CFI: variants seen among roughly 807,000 people sequenced by gnomAD.
The protein encoded by CFI is C3B/C4B inactivator.
Under a neutral mutation model 78.8 loss-of-function variants are expected in CFI, and 66 were observed. That is an observed-to-expected ratio of 0.84 (90% CI 0.69 to 1.03). The LOEUF is 1.03. CFI is among the 50% of genes least tolerant of loss of function. The probability of loss-of-function intolerance (pLI) is 0.00; values close to 1 mark genes in which losing one functional copy is unlikely to be tolerated. For synonymous variants in CFI, 250 were observed against 232.6 expected (o/e 1.07, Z -0.68); for missense variants, 706 against 704.5 (o/e 1.00, Z -0.02).
In CFI at chr4:109,762,386, T is replaced by C. The variant is rs566591266; in HGVS notation, c.483-694A>G. 2.0e-5 allele frequency: 3 copies of C among 152,258 alleles called. No individual in the cohort carries two copies. The South Asian group carries it at 6.2e-4, about 32-fold the overall frequency. The allele number at this position is 152,258 out of a possible 1,614,324, so 9.4% of individuals were successfully genotyped here. On this transcript the variant is annotated intron_variant, in intron 3 of 12. Transcript: ENST00000394634. The stretch of plus-strand genomic sequence containing the variant: ...AGCCTTGACAGTATTAAGGTGATAT[T>C]TTGGCATCTGTGTGCCATTGCTTGG...
At chr4:109,749,093 C>T (rs1405525829) in intron 10 of CFI, 125 bp downstream of exon 10, 8 of 905,852 alleles carry the variant, frequency 8.8e-6, no homozygotes, top group East Asian at 4.8e-5. Flanking sequence ...CCAGAGGATA[C>T]TTTGCAATTA....
intron 8 of CFI, among the ~76,000 whole-genome samples, chr4:109,750,078 C>A (rs1024150948): frequency 6.6e-6 from 1 of 151,976 alleles, no homozygotes; most frequent in Non-Finnish European, 1.5e-5. Flanking sequence ...CTCACTGCAA[C>A]CTCCGCCTCC....
chr4:109,758,899 C>G (rs1726660685), intron 6 of CFI, among the ~76,000 whole-genome samples: 1 of 152,160 alleles, frequency 6.6e-6, no homozygotes, highest in Non-Finnish European at 1.5e-5. Flanking sequence ...TCGAGACGAG[C>G]CTGGCCAATG....
intron 3 of CFI, 177 bp downstream of exon 3, chr4:109,764,360 G>C: frequency 1.4e-6 from 1 of 701,318 alleles, no homozygotes; most frequent in Non-Finnish European, 2.5e-6. Context: ...TGTCAGCAGG[G>C]TTCCAAGTGT....
In CFI at chr4:109,760,271, T is replaced by C; in HGVS notation, c.882A>G (p.Ala294=). The stretch of plus-strand genomic sequence containing the variant: ...AGTCACCCCAAGTCTTTCAATTACC[T>C]GCACAGCCAACTTCATCTTCCCCTG... ...CITGEDEVGC[A]GFASVTQEET... The change falls in exon 6 of 13, where the codon GCA becomes GCG. Residue 294 remains alanine, a splice_region_variant and synonymous_variant. Transcript: ENST00000394634. 6.2e-7 allele frequency: 1 copy of C among 1,611,216 alleles called. No individual in the cohort carries two copies.
chr4:109,769,471 C>T (rs1050810099), intron 1 of CFI, among the ~76,000 whole-genome samples: 3 of 152,144 alleles, frequency 2.0e-5, no homozygotes, highest in Non-Finnish European at 4.4e-5. Flanking sequence ...TCAGGTCATG[C>T]TTTCCACCTC....
chr4:109,764,083 A>G lies in CFI; in HGVS notation c.482+454T>C, dbSNP rs561038978. Among the ~76,000 whole-genome samples, 151 of 149,836 alleles carry G rather than the reference A, an allele frequency of 1.0e-3. No homozygotes were observed. In the Middle Eastern group the frequency reaches 0.029, roughly 28 times the overall value. ...TACTATAATTATAGTAAACTATACT[A>G]TAAAACTATAAACTATAATTTATCC... is the stretch of plus-strand genomic sequence containing the variant. On this transcript the variant is annotated intron_variant, in intron 3 of 12. Coordinates refer to ENST00000394634, the MANE Select transcript of CFI (RefSeq NM_000204.5).
chr4:109,749,182 T>C (rs1009703397), intron 10 of CFI, 36 bp downstream of exon 10: 2 of 1,549,648 alleles, frequency 1.3e-6, no homozygotes, highest in East Asian at 4.5e-5. Flanking sequence ...TTTCATTGTT[T>C]CGGGAAATCT....
chr4:109,739,940 G>T (rs1723611260), downstream of CFI, among the ~76,000 whole-genome samples: 1 of 152,120 alleles, frequency 6.6e-6, no homozygotes, highest in Non-Finnish European at 1.5e-5. Context: ...TAGAGAGAGG[G>T]TCAAGGAATG....
chr4:109,731,653 GGCTGGAGACT>G, the CFI span, among the ~76,000 whole-genome samples: 1 of 152,178 alleles, frequency 6.6e-6, no homozygotes, highest in Non-Finnish European at 1.5e-5. Context: ...TGTAGCTCCT[GGCTGGAGACT>G]GCCTGCACTT....
the CFI span, among the ~76,000 whole-genome samples, chr4:109,734,633 C>A: frequency 1.3e-5 from 2 of 152,060 alleles, no homozygotes; most frequent in African/African-American, 4.8e-5. Flanking sequence ...GAAATCCTGT[C>A]TCTACTAAAA....
the CFI span, among the ~76,000 whole-genome samples, chr4:109,735,146 G>A: frequency 4.9e-3 from 743 of 152,130 alleles, 6 homozygotes; most frequent in Admixed American, 0.01. Context: ...ATAGAGATGG[G>A]GTCTCCCTGT....
At chr4:109,760,732 G>A in intron 4 of CFI, 96 bp from the exon 5 acceptor site, 1 of 762,112 alleles carries the variant, frequency 1.3e-6, no homozygotes, top group Non-Finnish European at 2.4e-6. Flanking sequence ...TTAAGAGAAA[G>A]TTAAACTTCA....
intron 8 of CFI, among the ~76,000 whole-genome samples, chr4:109,750,734 A>G (rs1725037005): frequency 6.6e-6 from 1 of 152,204 alleles, no homozygotes; most frequent in Non-Finnish European, 1.5e-5. Context: ...TGAGAAAGGA[A>G]AATGAATATT....
intron 1 of CFI, among the ~76,000 whole-genome samples, chr4:109,791,152 A>G (rs546887421): frequency 6.6e-6 from 1 of 152,228 alleles, no homozygotes; most frequent in East Asian, 1.9e-4. Context: ...GACTGGTGTG[A>G]GATGGTATTT....
At chr4:109,764,771 T>G (rs1045138015) in intron 2 of CFI, 81 bp from the exon 3 acceptor site, 1 of 1,256,798 alleles carries the variant, frequency 8.0e-7, no homozygotes, top group Non-Finnish European at 1.1e-6. Flanking sequence ...AAAATAATAA[T>G]GTACTTAATG....
intron 4 of CFI, 90 bp from the exon 5 acceptor site, chr4:109,760,726 G>C (rs1056454412): frequency 1.3e-6 from 1 of 790,394 alleles, no homozygotes; most frequent in Admixed American, 1.8e-5. Context: ...GAGTCATTAA[G>C]AGAAAGTTAA....
intron 12 of CFI, chr4:109,742,154 G>A (rs528692419): frequency 7.2e-6 from 2 of 278,850 alleles, no homozygotes; most frequent in East Asian, 1.6e-4. Context: ...CCTTATCTAT[G>A]ATCTTCAATT....
At chr4:109,750,567 C>T (rs144988103) in intron 8 of CFI, among the ~76,000 whole-genome samples, 2 of 151,982 alleles carry the variant, frequency 1.3e-5, no homozygotes, top group Non-Finnish European at 2.9e-5. Context: ...AGACGTCTGG[C>T]GCATTTGTCA....
Sources: gnomAD v4.1 joint callset for allele counts (sites outside exome capture counted in the v4.1 genomes callset) on GRCh38, gnomAD v4.1.1 for gene constraint, MANE v1.5 for transcripts, NCBI Gene and HGNC (gene_info 2026-07-23, HGNC 2026-07-21) for gene names.